The following GTF2I variants were observed in gnomAD, a reference collection of about 807,000 sequenced individuals.
GTF2I encodes the protein general transcription factor II-I.
Under a neutral mutation model 67.6 loss-of-function variants are expected in GTF2I, and 12 were observed. The observed-to-expected ratio is 0.18, with a 90% confidence interval of 0.11 to 0.29. GTF2I has a LOEUF of 0.29. GTF2I is among the 10% of genes least tolerant of loss of function. The pLI is 1.00. For synonymous variants in GTF2I, 149 were observed against 197.0 expected (o/e 0.76, Z 2.04); for missense variants, 271 against 580.1 (o/e 0.47, Z 5.47).
intron 1 of GTF2I, among the ~76,000 whole-genome samples, chr7:74,675,855 C>T (rs1392741158): frequency 1.3e-5 from 2 of 151,930 alleles, no homozygotes; most frequent in African/African-American, 4.8e-5. Context: ...ACTAAAAATA[C>T]AAAAATTAGC....
chr7:74,683,679 C>T (rs1787448183), intron 1 of GTF2I, among the ~76,000 whole-genome samples: 1 of 151,948 alleles, frequency 6.6e-6, no homozygotes, highest in Non-Finnish European at 1.5e-5. Flanking sequence ...GTGGTGAAAC[C>T]CCATCTCTAC....
intron 3 of GTF2I, among the ~76,000 whole-genome samples, chr7:74,692,331 A>G (rs1178688369): frequency 6.6e-6 from 1 of 152,228 alleles, no homozygotes; most frequent in East Asian, 1.9e-4. Context: ...CGGCCTCCCA[A>G]AGTGCTGGGA....
intron 1 of GTF2I, among the ~76,000 whole-genome samples, chr7:74,675,238 T>C (rs1805792019): frequency 6.6e-6 from 1 of 152,206 alleles, no homozygotes; most frequent in Admixed American, 6.6e-5. Flanking sequence ...GGCATTTTTA[T>C]AGACTGTCTC....
intron 9 of GTF2I, among the ~76,000 whole-genome samples, chr7:74,713,348 GTC>G (rs1791863054): frequency 2.0e-5 from 3 of 152,240 alleles, no homozygotes; most frequent in African/African-American, 7.2e-5. Flanking sequence ...CAAATTATAA[GTC>G]TCTATAGATA....
chr7:74,671,252 A>G (rs1407407254), intron 1 of GTF2I, among the ~76,000 whole-genome samples: 1 of 151,578 alleles, frequency 6.6e-6, no homozygotes, highest in Non-Finnish European at 1.5e-5. Context: ...ACACCCGGCT[A>G]ATTTTTGTAT....
intron 1 of GTF2I, among the ~76,000 whole-genome samples, chr7:74,670,760 T>C (rs1236644466): frequency 6.8e-6 from 1 of 147,630 alleles, no homozygotes; most frequent in Non-Finnish European, 1.5e-5. Flanking sequence ...CTTTAGATAA[T>C]AGCTACTTGA....
In GTF2I at chr7:74,700,365, C is replaced by T; in HGVS notation, c.492C>T (p.Asn164=). 1 of 1,614,138 alleles carries T rather than the reference C, an allele frequency of 6.2e-7. No individual in the cohort carries two copies. Among genetic ancestry groups the T allele is most frequent in the Non-Finnish European group, 8.5e-7 (1 of 1,180,018 alleles). Residue 164 remains asparagine, a synonymous_variant, in exon 5 of 35, where the codon AAC becomes AAT. Transcript: ENST00000573035. The part of the protein sequence containing the change: ...PEGVAFKHPE[N]YDLATLKWIL... The stretch of plus-strand genomic sequence containing the variant: ...GTGTTGCCTTTAAACACCCCGAGAA[C>T]TATGATCTTGCAACCCTGAAATGGA...
chr7:74,674,747 A>G (rs1257894440), intron 1 of GTF2I, among the ~76,000 whole-genome samples: 1 of 148,416 alleles, frequency 6.7e-6, no homozygotes, highest in Non-Finnish European at 1.5e-5. Context: ...GGGTTTCTCC[A>G]TGTTGGTCAG....
intron 3 of GTF2I, 40 bp downstream of exon 3, chr7:74,691,151 T>C: frequency 7.3e-7 from 1 of 1,375,860 alleles, no homozygotes; most frequent in Non-Finnish European, 1.0e-6. Flanking sequence ...TCATTAATTT[T>C]AAGCCTAAAT....
chr7:74,668,360 T>A (rs1805173007), intron 1 of GTF2I, among the ~76,000 whole-genome samples: 1 of 149,798 alleles, frequency 6.7e-6, no homozygotes, highest in Non-Finnish European at 1.5e-5. Flanking sequence ...TGTGTGTATG[T>A]AAGAAGTATA....
At chr7:74,660,657 C>T (rs781861905) in intron 1 of GTF2I, among the ~76,000 whole-genome samples, 43 of 122,652 alleles carry the variant, frequency 3.5e-4, no homozygotes, top group South Asian at 2.7e-3. Flanking sequence ...GTTTCGCTCT[C>T]GTTGCCCAGG....
chr7:74,658,141 T>TA (rs1476934662), intron 1 of GTF2I, 73 bp downstream of exon 1: 2 of 150,690 alleles, frequency 1.3e-5, no homozygotes, highest in Non-Finnish European at 3.0e-5. Flanking sequence ...GGGCCTTTAT[T>TA]AGAGACTTTG....
In GTF2I at chr7:74,732,494, C is replaced by T; in HGVS notation, c.1136C>T (p.Ala379Val). 9 of 1,562,452 alleles carry T rather than the reference C, an allele frequency of 5.8e-6. No individual in the cohort carries two copies. The highest frequency in any genetic ancestry group is 7.8e-6 in the Non-Finnish European group (9 of 1,161,096). ...GTCCTTATAGCTCAAGCCATAAAAG[C>T]CAAAGGTCCGGTGACGATCCCGTAC... ...FERKYAQAIKAKGPVTIPYPL... is the reference protein window; with the variant it reads ...FERKYAQAIKVKGPVTIPYPL... Residue 379 changes from alanine (A) to valine (V), a missense_variant, in exon 15 of 35, where the codon GCC becomes GTC. By Grantham distance (64) the Ala-to-Val change is moderately conservative. This residue lies in a region of GTF2I where 4 missense variants were observed against 33.8 expected (regional missense o/e 0.12). Transcript: ENST00000573035.
chr7:74,665,190 C>T (rs914894914), intron 1 of GTF2I, among the ~76,000 whole-genome samples: 10 of 151,890 alleles, frequency 6.6e-5, no homozygotes, highest in East Asian at 3.9e-4. Flanking sequence ...GATCCACCCG[C>T]CTCGGCCTCC....
chr7:74,705,146 T>A lies in GTF2I; in HGVS notation c.587-18T>A. 1 of 1,545,142 alleles carries A rather than the reference T, an allele frequency of 6.5e-7. No individual in the cohort carries two copies. Among genetic ancestry groups the A allele is most frequent in the Non-Finnish European group, 8.9e-7 (1 of 1,120,676 alleles). On this transcript the variant is annotated intron_variant, in intron 6 of 34. Coordinates refer to ENST00000573035, the MANE Select transcript of GTF2I (RefSeq NM_032999.4). The stretch of plus-strand genomic sequence containing the variant: ...AAATGTTGAAAAACTAACTCCAATT[T>A]TTTTTTTTTGTATGTAGGTGGTCGT...
Position 74,668,331 on chromosome 7 carries a change from T to TTG in GTF2I, c.-6+10287_-6+10288dup, listed in dbSNP as rs71094802. On this transcript the variant is annotated intron_variant, in intron 1 of 34. Transcript: ENST00000573035. ...TTGTTTTGTAGCATGGCAAAGCCCATTGTGTGTGTGTGTGTGTGTGTGTGT... is the reference window on the plus strand; with the variant it reads ...TTGTTTTGTAGCATGGCAAAGCCCATTGTGTGTGTGTGTGTGTGTGTGTGTGT... 3.7e-3 allele frequency among the ~76,000 whole-genome samples: 543 copies of TTG among 147,832 alleles called. 1 individual carries two copies. Among genetic ancestry groups the TTG allele is most frequent in the South Asian group, 8.5e-3 (40 of 4,692 alleles).
At chr7:74,750,293 A>G (rs1369344336) in intron 26 of GTF2I, among the ~76,000 whole-genome samples, 2 of 112,506 alleles carry the variant, frequency 1.8e-5, no homozygotes, top group Non-Finnish European at 2.0e-5. Flanking sequence ...AAAAAAAAAA[A>G]AATAGCCAGG....
At chr7:74,670,056 T>C (rs933494744) in intron 1 of GTF2I, among the ~76,000 whole-genome samples, 2 of 152,212 alleles carry the variant, frequency 1.3e-5, no homozygotes, top group Admixed American at 1.3e-4. Flanking sequence ...ATTTTCAATT[T>C]ACCAGGCTTG....
At chr7:74,711,247 C>T (rs587671490) in intron 9 of GTF2I, 138 bp downstream of exon 9, 3 of 468,702 alleles carry the variant, frequency 6.4e-6, no homozygotes, top group Admixed American at 8.8e-5. Context: ...TAATTCAGTC[C>T]CGGGGATAAA....
Sources: allele counts gnomAD v4.1 joint callset (sites outside exome capture counted in the v4.1 genomes callset), GRCh38; gene constraint gnomAD v4.1.1; regional missense constraint gnomAD v4.1.1; transcripts MANE v1.5; gene names NCBI Gene and HGNC (gene_info 2026-07-23, HGNC 2026-07-21).